ZDHHC19: variants seen among roughly 807,000 people sequenced by gnomAD.
ZDHHC19 encodes the protein palmitoyltransferase ZDHHC19.
In ZDHHC19, 30 loss-of-function variants were observed where a neutral mutation model predicts 33.9. The ratio of observed to expected loss-of-function variants is 0.88; its 90% confidence interval spans 0.66 to 1.20. The LOEUF (loss-of-function observed/expected upper bound fraction) is 1.20, where lower values mean the gene tolerates loss of function less well. ZDHHC19 is among the 50% of genes most tolerant of loss of function. The pLI is 0.00. For synonymous variants in ZDHHC19, 178 were observed against 167.6 expected (o/e 1.06, Z -0.48); for missense variants, 364 against 401.1 (o/e 0.91, Z 0.79).
At chr3:196,198,483 C>T (rs1271720208) in intron 6 of ZDHHC19, 32 bp from the exon 7 acceptor site, 6 of 1,596,120 alleles carry the variant, frequency 3.8e-6, no homozygotes, top group South Asian at 1.1e-5. Flanking sequence ...GCAGGGGCCA[C>T]CGTCCTCCCT....
At position 196,203,719 on chromosome 3, in the gene ZDHHC19, C is replaced by T. The variant is rs151318274; in HGVS notation, c.687+3679G>A. Among the ~76,000 whole-genome samples, 6 of 152,260 alleles carry T rather than the reference C, an allele frequency of 3.9e-5. No homozygotes were observed. The East Asian group carries it at 5.8e-4, about 15-fold the overall frequency. On this transcript the variant is annotated intron_variant, in intron 5 of 7. Transcript: ENST00000296326. This position sits in a 1 kb window ranked among gnomAD's most constrained non-coding sequence, Gnocchi z 4.3. ...GAAGAACCACAGGATGTGAGAAGGGCGAAGGCTGCCCAGAAAAGGCTGAAA... is the reference window on the plus strand; with the variant it reads ...GAAGAACCACAGGATGTGAGAAGGGTGAAGGCTGCCCAGAAAAGGCTGAAA...
chr3:196,202,885 G>A (rs1447840340), intron 5 of ZDHHC19, among the ~76,000 whole-genome samples: 1 of 152,186 alleles, frequency 6.6e-6, no homozygotes, highest in Non-Finnish European at 1.5e-5. Flanking sequence ...GTAGAGCAGC[G>A]GGAGTGGAGG....
intron 5 of ZDHHC19, among the ~76,000 whole-genome samples, chr3:196,200,040 A>G (rs182606436): frequency 4.6e-5 from 7 of 151,718 alleles, no homozygotes; most frequent in Admixed American, 3.9e-4. Context: ...CTGTAATCCG[A>G]GTGTTTTGGG....
chr3:196,208,432 C>T lies in ZDHHC19; in HGVS notation c.537G>A (p.Leu179=). 1 of 1,614,118 alleles carries T rather than the reference C, an allele frequency of 6.2e-7. No homozygotes were observed. Among genetic ancestry groups the T allele is most frequent in the Non-Finnish European group, 8.5e-7 (1 of 1,180,006 alleles). The part of the protein sequence containing the change: ...GAMLVTCLIF[L]VRTTHLPFST... ...AGAAGGGCAGGTGGGTTGTGCGCAC[C>T]AGGAAGATGAGACAGGTGACCAGCA... is the stretch of plus-strand genomic sequence containing the variant. Residue 179 remains leucine, a synonymous_variant, in exon 4 of 8, where the codon CTG becomes CTA. Coordinates refer to ENST00000296326, the MANE Select transcript of ZDHHC19 (RefSeq NM_001039617.2).
chr3:196,208,939 TAA>T (rs777304880), intron 3 of ZDHHC19: 11 of 283,654 alleles, frequency 3.9e-5, no homozygotes, highest in Non-Finnish European at 7.4e-5. Flanking sequence ...CCTGCACTTG[TAA>T]ACCTATGCAA....
Position 196,210,731 on chromosome 3 carries a change from C to A in ZDHHC19, c.153G>T (p.Arg51Ser), listed in dbSNP as rs1363813669. ...FSGLFFAFPCRWLAQNGEWAF... is the reference protein window; with the variant it reads ...FSGLFFAFPCSWLAQNGEWAF... The stretch of plus-strand genomic sequence containing the variant: ...CCCACTCCCCGTTCTGAGCCAGCCA[C>A]CTGCAACTGAGACCAGAGGCAGGCT... Residue 51 changes from arginine to serine, a missense_variant, in exon 2 of 8, where the codon AGG (arginine) becomes AGT (serine). By Grantham distance (110) the Arg-to-Ser change is moderately radical. Transcript: ENST00000296326. 1 of 1,613,514 alleles carries A rather than the reference C, an allele frequency of 6.2e-7. No homozygotes were observed. Among genetic ancestry groups the A allele is most frequent in the Non-Finnish European group, 8.5e-7 (1 of 1,179,798 alleles).
chr3:196,208,316 TA>T, intron 4 of ZDHHC19, 71 bp downstream of exon 4: 1 of 1,093,726 alleles, frequency 9.1e-7, no homozygotes, highest in South Asian at 1.4e-5. Context: ...CCCGCCCCCA[TA>T]GCCCCGCCCT....
chr3:196,210,339 A>G (rs1560142691), intron 2 of ZDHHC19, among the ~76,000 whole-genome samples: 33 of 132,750 alleles, frequency 2.5e-4, no homozygotes, highest in South Asian at 1.8e-3. Context: ...GAAAGAAAGA[A>G]AGAAAAGAGA....
intron 5 of ZDHHC19, among the ~76,000 whole-genome samples, chr3:196,202,854 A>G (rs1309344105): frequency 6.6e-6 from 1 of 152,106 alleles, no homozygotes; most frequent in Non-Finnish European, 1.5e-5. Context: ...CTGTCAGGAG[A>G]CTTGGCTGCT....
chr3:196,198,851 G>A lies in ZDHHC19; in HGVS notation c.711C>T (p.Asn237=). 1 of 1,614,074 alleles carries A rather than the reference G, an allele frequency of 6.2e-7. No individual in the cohort carries two copies. The highest frequency in any genetic ancestry group is 8.5e-7 in the Non-Finnish European group (1 of 1,179,960). Residue 237 remains asparagine, a synonymous_variant, in exon 6 of 8, where the codon AAC becomes AAT. Transcript: ENST00000296326. ...KGKCRHLQGY[N]PFDQGCASNW... ...TGCTGGCACAGCCCTGGTCGAAGGGGTTGTATCCCTGAAGGTGTCTGCACT... is the reference window on the plus strand; with the variant it reads ...TGCTGGCACAGCCCTGGTCGAAGGGATTGTATCCCTGAAGGTGTCTGCACT...
intron 5 of ZDHHC19, chr3:196,199,786 A>AG (rs1205105900): frequency 6.7e-6 from 1 of 150,050 alleles, no homozygotes; most frequent in East Asian, 1.9e-4. Flanking sequence ...TCTACTAAAA[A>AG]TACAAAAAAT....
chr3:196,206,564 G>C (rs1353888996), intron 5 of ZDHHC19, among the ~76,000 whole-genome samples: 2 of 152,132 alleles, frequency 1.3e-5, no homozygotes, highest in African/African-American at 4.8e-5. Context: ...TGTTGCCCAG[G>C]CTGGTCTCAA....
intron 5 of ZDHHC19, among the ~76,000 whole-genome samples, chr3:196,200,441 G>A (rs1412327665): frequency 6.2e-5 from 9 of 144,362 alleles, no homozygotes; most frequent in South Asian, 2.2e-4. Context: ...TGCAAGCTCC[G>A]CCTCCCAGGT....
At chr3:196,206,712 C>A (rs981252733) in intron 5 of ZDHHC19, among the ~76,000 whole-genome samples, 4 of 131,676 alleles carry the variant, frequency 3.0e-5, no homozygotes, top group African/African-American at 1.2e-4. Flanking sequence ...GGCAGAGTCT[C>A]GCTCTGCTGC....
intron 5 of ZDHHC19, chr3:196,199,294 A>C: frequency 5.5e-6 from 1 of 181,664 alleles, no homozygotes; most frequent in East Asian, 1.6e-4. Context: ...CTACCCATCC[A>C]CCTCACCCCC....
chr3:196,207,064 G>A (rs1301816594), intron 5 of ZDHHC19, among the ~76,000 whole-genome samples: 4 of 152,144 alleles, frequency 2.6e-5, no homozygotes, highest in Non-Finnish European at 4.4e-5. Context: ...CTCAGGACCG[G>A]CCCCCTCTCT....
intron 5 of ZDHHC19, among the ~76,000 whole-genome samples, chr3:196,206,782 G>A (rs1203454908): frequency 1.3e-5 from 2 of 148,374 alleles, no homozygotes; most frequent in African/African-American, 2.5e-5. Context: ...TCCGGTTCAC[G>A]CCATTCCCCA....
chr3:196,211,233 C>G lies in ZDHHC19; in HGVS notation c.83G>C (p.Ser28Thr), dbSNP rs567804103. Residue 28 changes from serine to threonine, a missense_variant, in exon 1 of 8, where the codon AGC (serine) becomes ACC (threonine). Coordinates refer to ENST00000296326, the MANE Select transcript of ZDHHC19 (RefSeq NM_001039617.2). ...PLVPRPWFLP[S>T]LFAAFNVVLL... The stretch of plus-strand genomic sequence containing the variant: ...CACCACATTGAAGGCAGCAAAGAGG[C>G]TAGGGAGGAACCAGGGACGTGGGAC... 5.0e-5 allele frequency: 80 copies of G among 1,614,046 alleles called. No homozygotes were observed. The highest frequency in any genetic ancestry group is 5.4e-5 in the Non-Finnish European group (64 of 1,180,024).
intron 5 of ZDHHC19, among the ~76,000 whole-genome samples, chr3:196,200,329 T>TATAC (rs1193368882): frequency 3.9e-5 from 4 of 101,746 alleles, no homozygotes; most frequent in African/African-American, 1.5e-4. Context: ...AATTTAGGGA[T>TATAC]ATATATATAT....
Sources: gnomAD v4.1 joint callset for allele counts (sites outside exome capture counted in the v4.1 genomes callset) on GRCh38, gnomAD v4.1.1 for gene constraint, Gnocchi (gnomAD v3.1) non-coding constraint, MANE v1.5 for transcripts, NCBI Gene and HGNC (gene_info 2026-07-23, HGNC 2026-07-21) for gene names.